Variants in CACNA1C observed in about 807,000 individuals in gnomAD.
The protein encoded by CACNA1C is calcium voltage-gated channel subunit alpha1 C, also known as voltage-dependent L-type calcium channel subunit alpha-1C.
In CACNA1C, 30 loss-of-function variants were observed where a neutral mutation model predicts 229.0. The observed-to-expected ratio is 0.13, with a 90% confidence interval of 0.10 to 0.18. CACNA1C has a LOEUF of 0.18. Ranked by LOEUF, CACNA1C falls within the 10% of genes least tolerant of loss-of-function variation. CACNA1C has a pLI of 1.00. For missense variants in CACNA1C, 1,658 were observed against 2,845.0 expected, an observed-to-expected ratio of 0.58 and a Z score of 9.49; for synonymous variants, 1,114 against 1,132.5, an observed-to-expected ratio of 0.98 and a Z score of 0.33.
At chr12:2,167,517 A>G (rs922150465) in intron 3 of CACNA1C, among the ~76,000 whole-genome samples, 38 of 152,202 alleles carry the variant, frequency 2.5e-4, no homozygotes, top group African/African-American at 8.4e-4. Flanking sequence ...CAGGCATTTA[A>G]TTTGACTGAA....
intron 3 of CACNA1C, among the ~76,000 whole-genome samples, chr12:2,344,856 G>C (rs2096964774): frequency 6.6e-6 from 1 of 151,908 alleles, no homozygotes; most frequent in African/African-American, 2.4e-5. Flanking sequence ...CAGGGCAGAT[G>C]GTGCATAGTG....
chr12:2,459,381 G>A (rs1292319185), intron 5 of CACNA1C, among the ~76,000 whole-genome samples: 1 of 152,016 alleles, frequency 6.6e-6, no homozygotes, highest in Non-Finnish European at 1.5e-5. Flanking sequence ...TTGAAACCCA[G>A]AACTGTGCCT....
intron 3 of CACNA1C, among the ~76,000 whole-genome samples, chr12:2,251,201 C>T (rs912397069): frequency 1.1e-4 from 16 of 152,084 alleles, no homozygotes; most frequent in African/African-American, 2.2e-4. Flanking sequence ...AAATAGATCA[C>T]GTTGACAGTC....
intron 26 of CACNA1C, 31 bp downstream of exon 26, chr12:2,607,161 C>T (rs1418377519): frequency 6.3e-7 from 1 of 1,593,080 alleles, no homozygotes; most frequent in East Asian, 2.3e-5. Context: ...CCCACGAGCC[C>T]TGACATTCAA....
chr12:2,667,738 C>T (rs999441155), intron 37 of CACNA1C, among the ~76,000 whole-genome samples: 11 of 152,254 alleles, frequency 7.2e-5, no homozygotes, highest in Middle Eastern at 3.4e-3. Flanking sequence ...CGAAACTTTC[C>T]GGTGGCCAAG....
At chr12:2,594,097 G>A (rs2066880512) in intron 19 of CACNA1C, among the ~76,000 whole-genome samples, 2 of 152,188 alleles carry the variant, frequency 1.3e-5, no homozygotes, top group South Asian at 2.1e-4. Context: ...GTAACCTAAC[G>A]TTTATTTGTA....
chr12:2,530,117 C>T (rs1396171643), intron 9 of CACNA1C, among the ~76,000 whole-genome samples: 1 of 152,236 alleles, frequency 6.6e-6, no homozygotes, highest in East Asian at 1.9e-4. Context: ...TAGTGGAAAG[C>T]AACCATTTTG....
rs16929462 is a variant in CACNA1C, at chr12:2,491,864, T to C, written c.917-1326T>C. The stretch of plus-strand genomic sequence containing the variant: ...GTCCTGTTCAATGCACAGCCTAACG[T>C]AGGCAAAGTAATCACACTTACGATT... On this transcript the variant is annotated intron_variant, in intron 6 of 46. Transcript: ENST00000399655. Among the ~76,000 whole-genome samples, 1,271 of 152,264 alleles carry C rather than the reference T, an allele frequency of 8.3e-3. 20 individuals are homozygous for C. Among genetic ancestry groups the C allele is most frequent in the East Asian group, 0.046 (236 of 5,184 alleles).
At chr12:2,655,335 G>T (rs1185053530) in intron 34 of CACNA1C, 97 bp downstream of exon 34, 3 of 719,748 alleles carry the variant, frequency 4.2e-6, no homozygotes, top group South Asian at 1.9e-5. Context: ...GCTTCCCGGG[G>T]AGTAGGAAGG....
At chr12:2,393,107 G>T (rs1008242446) in intron 3 of CACNA1C, among the ~76,000 whole-genome samples, 1 of 152,152 alleles carries the variant, frequency 6.6e-6, no homozygotes, top group Admixed American at 6.6e-5. Flanking sequence ...CCTTGAAAGT[G>T]CACTGTCCTG....
intron 3 of CACNA1C, among the ~76,000 whole-genome samples, chr12:2,123,069 G>A (rs1307073276): frequency 6.6e-6 from 1 of 152,188 alleles, no homozygotes; most frequent in Admixed American, 6.5e-5. Context: ...TCAAATCTTG[G>A]CTTCTCCACT....
In CACNA1C at chr12:2,053,127, G is replaced by A. The variant is rs2052790212; in HGVS notation, c.-436G>A. 2.0e-6 allele frequency: 2 copies of A among 984,868 alleles called. No individual in the cohort carries two copies. Among genetic ancestry groups the A allele is most frequent in the Non-Finnish European group, 2.4e-6 (2 of 829,692 alleles). The allele number at this position is 984,868 out of a possible 1,614,324, so 61.0% of individuals were successfully genotyped here. ...GGCTCCCTTTGACAGCAGAGAGCCGGGCAGGGGCCTCAGGAGGACTCGCTG... is the reference window on the plus strand; with the variant it reads ...GGCTCCCTTTGACAGCAGAGAGCCGAGCAGGGGCCTCAGGAGGACTCGCTG... On this transcript the variant is annotated 5_prime_UTR_variant, in exon 1 of 47. Coordinates refer to ENST00000399655, the MANE Select transcript of CACNA1C (RefSeq NM_000719.7). The surrounding 1 kb of genome is among the most constrained non-coding windows in gnomAD (Gnocchi z 5.8).
At chr12:2,033,095 T>C (rs2048501453) in intron 1 of CACNA1C, among the ~76,000 whole-genome samples, 1 of 152,166 alleles carries the variant, frequency 6.6e-6, no homozygotes, top group African/African-American at 2.4e-5. Flanking sequence ...TGCAGTGATG[T>C]AGCTAACCCA....
chr12:2,635,575 C>G (rs1008115746), intron 30 of CACNA1C, among the ~76,000 whole-genome samples: 19 of 148,100 alleles, frequency 1.3e-4, no homozygotes, highest in Admixed American at 8.2e-4. Flanking sequence ...ATCTTTTGCT[C>G]TCAGTCAGTT....
chr12:2,159,485 C>A (rs963580690), intron 3 of CACNA1C, among the ~76,000 whole-genome samples: 2 of 151,488 alleles, frequency 1.3e-5, no homozygotes, highest in South Asian at 2.1e-4. Context: ...CAGAGTGAGA[C>A]CCTGTCAATA....
intron 3 of CACNA1C, among the ~76,000 whole-genome samples, chr12:2,307,086 C>T (rs894265497): frequency 1.6e-4 from 24 of 152,180 alleles, no homozygotes; most frequent in African/African-American, 5.8e-4. Context: ...GTTCTTCACA[C>T]CTCTTCTTGG....
chr12:2,566,650 C>T lies in CACNA1C; in HGVS notation c.1669+68C>T, dbSNP rs1014754168. 5.1e-6 allele frequency: 7 copies of T among 1,359,842 alleles called. No individual in the cohort carries two copies. Among genetic ancestry groups the T allele is most frequent in the South Asian group, 2.8e-5 (2 of 72,076 alleles). The allele number at this position is 1,359,842 out of a possible 1,614,324, so 84.2% of individuals were successfully genotyped here. On this transcript the variant is annotated intron_variant, in intron 12 of 46. Transcript: ENST00000399655. This position sits in a 1 kb window ranked among gnomAD's most constrained non-coding sequence, Gnocchi z 4.0. The stretch of plus-strand genomic sequence containing the variant: ...CTCAGCCCCAAGGCCCAGGGGAGGG[C>T]ATAACCACAGGCAGAAGGTGGAGGG...
chr12:2,183,776 C>T (rs745951006), intron 3 of CACNA1C, among the ~76,000 whole-genome samples: 17 of 152,256 alleles, frequency 1.1e-4, no homozygotes, highest in Admixed American at 3.9e-4. Context: ...GGTGGTTAGT[C>T]ACGGGGCTCT....
intron 9 of CACNA1C, among the ~76,000 whole-genome samples, chr12:2,540,888 G>T (rs1239982043): frequency 6.6e-6 from 1 of 152,212 alleles, no homozygotes; most frequent in Non-Finnish European, 1.5e-5. Flanking sequence ...CCAGGAGCTG[G>T]AACAGCAGGA....
Sources: gnomAD v4.1 joint callset for allele counts (sites outside exome capture counted in the v4.1 genomes callset) on GRCh38, gnomAD v4.1.1 for gene constraint, Gnocchi (gnomAD v3.1) non-coding constraint, MANE v1.5 for transcripts, NCBI Gene and HGNC (gene_info 2026-07-23, HGNC 2026-07-21) for gene names.